YAP1: variants seen among roughly 807,000 people sequenced by gnomAD.
The protein encoded by YAP1 is transcriptional coactivator YAP1.
In YAP1, 5 loss-of-function variants were observed where a neutral mutation model predicts 56.9. The observed-to-expected ratio is 0.09, with a 90% CI of 0.05 to 0.18. The LOEUF is 0.18. Among genes scored for constraint, YAP1 ranks in the 10% least tolerant of loss-of-function variants. The pLI is 1.00. For synonymous variants in YAP1, 265 were observed against 248.1 expected (o/e 1.07, Z -0.64); for missense variants, 539 against 651.8 (o/e 0.83, Z 1.88).
intron 2 of YAP1, among the ~76,000 whole-genome samples, chr11:102,150,385 A>G (rs1006957186): frequency 1.3e-5 from 2 of 152,248 alleles, no homozygotes; most frequent in Non-Finnish European, 2.9e-5. Flanking sequence ...TTGGCCAAGT[A>G]AAGTATTGCC....
intron 1 of YAP1, among the ~76,000 whole-genome samples, chr11:102,111,598 C>T (rs578029110): frequency 7.2e-6 from 1 of 139,094 alleles, no homozygotes; most frequent in Admixed American, 7.2e-5. Flanking sequence ...CCCGCCGGGC[C>T]GGGCTGGGAA....
intron 2 of YAP1, among the ~76,000 whole-genome samples, chr11:102,147,101 C>T (rs944200441): frequency 1.6e-4 from 24 of 152,132 alleles, no homozygotes; most frequent in African/African-American, 5.3e-4. Flanking sequence ...TACAGTTCAG[C>T]CAAAATCGTA....
At chr11:102,222,878 G>A (rs113393053) in intron 6 of YAP1, among the ~76,000 whole-genome samples, 4,269 of 151,230 alleles carry the variant, frequency 0.028, 224 homozygotes, top group African/African-American at 0.098. Flanking sequence ...TTTTTTTGGC[G>A]GGGGAGGGGG....
intron 3 of YAP1, among the ~76,000 whole-genome samples, chr11:102,174,302 A>G (rs1213525828): frequency 6.6e-6 from 1 of 151,986 alleles, no homozygotes; most frequent in Non-Finnish European, 1.5e-5. Context: ...CTTTTTCTTA[A>G]ATCTATTATT....
At position 102,205,950 on chromosome 11, in the gene YAP1, C is replaced by T; in HGVS notation, c.860C>T (p.Pro287Leu). ...GTGAAACAGCCACCACCCCTGGCTCCCCAGAGCCCACAGGGAGGCGTCATG... is the reference window on the plus strand; with the variant it reads ...GTGAAACAGCCACCACCCCTGGCTCTCCAGAGCCCACAGGGAGGCGTCATG... ...APVKQPPPLA[P>L]QSPQGGVMGG... Residue 287 changes from proline to leucine, a missense_variant, in exon 5 of 9, where the codon CCC becomes CTC. Pro to Leu is a moderately conservative substitution (Grantham distance 98). This residue lies in a region of YAP1 where 414 missense variants were observed against 512.4 expected (regional missense o/e 0.81). Coordinates refer to ENST00000282441, the MANE Select transcript of YAP1 (RefSeq NM_001130145.3). 6.2e-7 allele frequency: 1 copy of T among 1,612,780 alleles called. No individual in the cohort carries two copies. Among genetic ancestry groups the T allele is most frequent in the South Asian group, 1.1e-5 (1 of 90,922 alleles).
chr11:102,205,883 T>C lies in YAP1; in HGVS notation c.803-10T>C. The C allele has an allele frequency of 2.7e-6, 4 of 1,468,904 alleles. No individual in the cohort carries two copies. Among genetic ancestry groups the C allele is most frequent in the Non-Finnish European group, 3.6e-6 (4 of 1,103,714 alleles). The allele number at this position is 1,468,904 out of a possible 1,614,324, so 91.0% of individuals were successfully genotyped here. A position where few individuals can be genotyped will look rare whatever the true frequency, so the allele number is the denominator to read the frequency against. Reference sequence around the variant, plus strand: ...TTTTAGGACAGATTTTTTTTTTCTTTTCATTTCAGCCATGAACCAGAGAAT... The same window carrying C: ...TTTTAGGACAGATTTTTTTTTTCTTCTCATTTCAGCCATGAACCAGAGAAT... On this transcript the variant is annotated splice_polypyrimidine_tract_variant and intron_variant, in intron 4 of 8. Transcript: ENST00000282441.
In YAP1 at chr11:102,140,363, G is replaced by A. The variant is rs571320086; in HGVS notation, c.573-22093G>A. Among the ~76,000 whole-genome samples, 17 of 152,300 alleles carry A rather than the reference G, an allele frequency of 1.1e-4. No individual in the cohort carries two copies. In the South Asian group the frequency reaches 3.3e-3, roughly 30 times the overall value. ...GATTGAAATCTACTCTAAATTGAAAGTGTTCACATTTAATATAATAATCTA... is the reference window on the plus strand; with the variant it reads ...GATTGAAATCTACTCTAAATTGAAAATGTTCACATTTAATATAATAATCTA... On this transcript the variant is annotated intron_variant, in intron 2 of 8. Coordinates refer to ENST00000282441, the MANE Select transcript of YAP1 (RefSeq NM_001130145.3).
intron 3 of YAP1, among the ~76,000 whole-genome samples, chr11:102,166,628 G>A (rs1565222111): frequency 6.6e-6 from 1 of 152,188 alleles, no homozygotes; most frequent in Non-Finnish European, 1.5e-5. Flanking sequence ...TCACCCTGAA[G>A]GGAGTGTCTT....
chr11:102,124,883 C>G (rs1381656614), intron 2 of YAP1, among the ~76,000 whole-genome samples: 1 of 152,010 alleles, frequency 6.6e-6, no homozygotes, highest in Non-Finnish European at 1.5e-5. Context: ...TCACAGATTG[C>G]GTATCACCAT....
intron 4 of YAP1, among the ~76,000 whole-genome samples, chr11:102,205,495 C>T (rs935265632): frequency 6.6e-6 from 1 of 152,126 alleles, no homozygotes; most frequent in Non-Finnish European, 1.5e-5. Flanking sequence ...ATCTCTGGAG[C>T]CAAAAGATGT....
intron 2 of YAP1, among the ~76,000 whole-genome samples, chr11:102,122,967 G>C (rs1943772380): frequency 6.7e-6 from 1 of 148,794 alleles, no homozygotes; most frequent in African/African-American, 2.5e-5. Context: ...CTTGCAGCTT[G>C]CATTCTTCAG....
intron 2 of YAP1, among the ~76,000 whole-genome samples, chr11:102,161,066 T>A (rs1375253480): frequency 1.4e-5 from 2 of 137,946 alleles, no homozygotes; most frequent in Non-Finnish European, 3.2e-5. Flanking sequence ...TTTTTTTTTT[T>A]TTTTTTTTTT....
chr11:102,177,644 T>C (rs1347801916), intron 3 of YAP1, among the ~76,000 whole-genome samples: 1 of 144,346 alleles, frequency 6.9e-6, no homozygotes, highest in Non-Finnish European at 1.5e-5. Flanking sequence ...GCCATGGCAC[T>C]CTAGCCTGGC....
At chr11:102,208,300 C>T (rs1275575751) in intron 5 of YAP1, among the ~76,000 whole-genome samples, 1 of 152,172 alleles carries the variant, frequency 6.6e-6, no homozygotes, top group African/African-American at 2.4e-5. Flanking sequence ...GTATCTGGAA[C>T]TCACTTGGTT....
intron 2 of YAP1, among the ~76,000 whole-genome samples, chr11:102,144,333 C>CTTT (rs1945195947): frequency 6.6e-6 from 1 of 152,098 alleles, no homozygotes; most frequent in African/African-American, 2.4e-5. Context: ...GAGTAAAGTA[C>CTTT]ATATTCAATT....
intron 2 of YAP1, among the ~76,000 whole-genome samples, chr11:102,132,842 A>G (rs1944446493): frequency 6.6e-6 from 1 of 152,218 alleles, no homozygotes; most frequent in Non-Finnish European, 1.5e-5. Flanking sequence ...AAAACATTAC[A>G]ATTTTTTACT....
At chr11:102,138,055 T>C (rs1944788812) in intron 2 of YAP1, among the ~76,000 whole-genome samples, 1 of 152,120 alleles carries the variant, frequency 6.6e-6, no homozygotes, top group Non-Finnish European at 1.5e-5. Context: ...GCCTGGCTAA[T>C]TTTTGTATTT....
At position 102,192,202 on chromosome 11, in the gene YAP1, A is replaced by G. The variant is rs796874113; in HGVS notation, c.802+6071A>G. On this transcript the variant is annotated intron_variant, in intron 4 of 8. Coordinates refer to ENST00000282441, the MANE Select transcript of YAP1 (RefSeq NM_001130145.3). ...AATTTACTTCCTTTCACATGTGTGA[A>G]TACAGCTCTAATCCCAGCAGTGTTC... Among the ~76,000 whole-genome samples, 40 of 152,346 alleles carry G rather than the reference A, an allele frequency of 2.6e-4. 2 individuals carry two copies. The highest frequency in any genetic ancestry group is 9.6e-4 in the African/African-American group (40 of 41,570).
At chr11:102,161,713 A>G (rs1041107393) in intron 2 of YAP1, among the ~76,000 whole-genome samples, 8 of 152,210 alleles carry the variant, frequency 5.3e-5, no homozygotes, top group African/African-American at 1.7e-4. Flanking sequence ...CTTTGCTACA[A>G]GAAAACTTAG....
Sources: allele counts gnomAD v4.1 joint callset (sites outside exome capture counted in the v4.1 genomes callset), GRCh38; gene constraint gnomAD v4.1.1; regional missense constraint gnomAD v4.1.1; transcripts MANE v1.5; gene names NCBI Gene and HGNC (gene_info 2026-07-23, HGNC 2026-07-21).